SIL1: variants seen among roughly 807,000 people sequenced by gnomAD.
SIL1 encodes the protein SIL1 nucleotide exchange factor, also known as nucleotide exchange factor SIL1.
Under a neutral mutation model 49.1 loss-of-function variants are expected in SIL1, and 40 were observed. The ratio of observed to expected loss-of-function variants is 0.81; its 90% CI spans 0.63 to 1.06. The LOEUF is 1.06. Ranked by LOEUF, SIL1 falls within the 50% of genes least tolerant of loss-of-function variation. SIL1 has a pLI of 0.00. For missense variants in SIL1, 500 were observed against 572.6 expected, an observed-to-expected ratio of 0.87 and a Z score of 1.29; for synonymous variants, 253 against 250.8, an observed-to-expected ratio of 1.01 and a Z score of -0.08.
intron 4 of SIL1, among the ~76,000 whole-genome samples, chr5:139,048,967 C>T (rs891932225): frequency 2.0e-5 from 3 of 152,170 alleles, no homozygotes; most frequent in African/African-American, 7.2e-5. Flanking sequence ...AGAACAAATG[C>T]CTCTATCTCA....
At chr5:138,958,726 C>G (rs1378026821) in intron 7 of SIL1, among the ~76,000 whole-genome samples, 1 of 149,008 alleles carries the variant, frequency 6.7e-6, no homozygotes, top group African/African-American at 2.5e-5. Flanking sequence ...ATTCCAAAAG[C>G]CAAAAAAAAA....
chr5:139,058,837 C>CTT (rs1769517690), intron 3 of SIL1, among the ~76,000 whole-genome samples: 3 of 151,692 alleles, frequency 2.0e-5, no homozygotes, highest in Non-Finnish European at 4.4e-5. Context: ...AGTTTTTTTT[C>CTT]TTTTTCTTTC....
intron 7 of SIL1, among the ~76,000 whole-genome samples, chr5:138,983,821 G>C (rs1404381022): frequency 6.7e-6 from 1 of 149,470 alleles, no homozygotes; most frequent in African/African-American, 2.5e-5. Flanking sequence ...CCTCCTCCCA[G>C]AGATGGACCC....
At chr5:139,106,180 T>C (rs1347846664) in intron 3 of SIL1, among the ~76,000 whole-genome samples, 1 of 152,224 alleles carries the variant, frequency 6.6e-6, no homozygotes, top group African/African-American at 2.4e-5. Flanking sequence ...CTCTCTGCTC[T>C]CTCAATCCTC....
rs529265304 is a variant in SIL1 at position 138,959,591 on chromosome 5, C to T, written c.768-7707G>A. ...CCTTCTGAAAGTTGGGAGCAGCCAA[C>T]CATCCAGAGAAAGCTCCCCTCTCAC... On this transcript the variant is annotated intron_variant, in intron 7 of 9. Transcript: ENST00000394817. Among the ~76,000 whole-genome samples, 7 of 152,356 alleles carry T rather than the reference C, an allele frequency of 4.6e-5. No individual in the cohort carries two copies. In the South Asian group the frequency reaches 1.2e-3, roughly 27 times the overall value.
At chr5:139,077,359 C>T (rs941376589) in intron 3 of SIL1, among the ~76,000 whole-genome samples, 2 of 152,056 alleles carry the variant, frequency 1.3e-5, no homozygotes, top group African/African-American at 4.8e-5. Context: ...AGAATAAAAC[C>T]GTGATATATA....
At chr5:138,990,458 CTTT>C (rs1228070358) in intron 7 of SIL1, among the ~76,000 whole-genome samples, 1 of 152,168 alleles carries the variant, frequency 6.6e-6, no homozygotes, top group Non-Finnish European at 1.5e-5. Context: ...TTCCAGCTGG[CTTT>C]TTATTTATTT....
chr5:139,101,291 C>G lies in SIL1; in HGVS notation c.244+19744G>C, dbSNP rs1049972752. ...CCTCTTTGCAAGCTGCTCCTCCCAC[C>G]TGGAAAACCCTTTATACTCCACCTC... is the stretch of plus-strand genomic sequence containing the variant. On this transcript the variant is annotated intron_variant, in intron 3 of 9. Coordinates refer to ENST00000394817, the MANE Select transcript of SIL1 (RefSeq NM_022464.5). Among the ~76,000 whole-genome samples the G allele has an allele frequency of 3.3e-5, 5 of 152,178 alleles. No individual in the cohort carries two copies. In the East Asian group the frequency reaches 9.6e-4, roughly 29 times the overall value.
chr5:139,028,497 C>A (rs1205949741), intron 5 of SIL1, among the ~76,000 whole-genome samples: 3 of 19,552 alleles, frequency 1.5e-4, no homozygotes, highest in Admixed American at 3.2e-4. Flanking sequence ...GACTCCATCA[C>A]AAAACAAAAC....
At position 139,191,936 on chromosome 5, in the gene SIL1, G is replaced by A. The variant is rs186151630; in HGVS notation, c.-11+6333C>T. On this transcript the variant is annotated intron_variant, in intron 1 of 9. Transcript: ENST00000394817. ...CTAAAAATACAAAAATTAGCCAGGC[G>A]TGGTGGCAGGCGCCTGTAGTCCCAG... Among the ~76,000 whole-genome samples, 486 of 152,036 alleles carry A rather than the reference G, an allele frequency of 3.2e-3. 2 individuals carry two copies. Among genetic ancestry groups the A allele is most frequent in the Non-Finnish European group, 4.1e-3 (276 of 67,982 alleles).
chr5:139,107,335 G>A (rs1288082267), intron 3 of SIL1, among the ~76,000 whole-genome samples: 1 of 151,920 alleles, frequency 6.6e-6, no homozygotes, highest in Non-Finnish European at 1.5e-5. Context: ...AGATCACTTA[G>A]ACATTATTCT....
At chr5:139,005,497 A>C (rs926125399) in intron 7 of SIL1, among the ~76,000 whole-genome samples, 19 of 140,668 alleles carry the variant, frequency 1.4e-4, no homozygotes, top group African/African-American at 5.1e-4. Context: ...ACATGTGCAC[A>C]TTGTGCAGGT....
intron 3 of SIL1, among the ~76,000 whole-genome samples, chr5:139,075,320 C>A (rs570321154): frequency 4.9e-4 from 74 of 152,254 alleles, no homozygotes; most frequent in Admixed American, 3.9e-3. Context: ...AACTCCCATC[C>A]CCTAGAACTT....
At chr5:139,190,603 G>A (rs533513296) in intron 1 of SIL1, among the ~76,000 whole-genome samples, 20 of 152,282 alleles carry the variant, frequency 1.3e-4, no homozygotes, top group Non-Finnish European at 2.8e-4. Context: ...TATTATGTGG[G>A]TGGCCTAAAA....
intron 1 of SIL1, among the ~76,000 whole-genome samples, chr5:139,171,865 G>A (rs1050422960): frequency 1.3e-5 from 2 of 151,798 alleles, no homozygotes; most frequent in African/African-American, 4.8e-5. Flanking sequence ...GAAAAATCAA[G>A]AAAACAATGT....
intron 1 of SIL1, among the ~76,000 whole-genome samples, chr5:139,179,977 C>T (rs1392262677): frequency 6.6e-6 from 1 of 151,210 alleles, no homozygotes; most frequent in African/African-American, 2.4e-5. Context: ...GATCTCTTGA[C>T]CTCAGGAAGT....
intron 1 of SIL1, among the ~76,000 whole-genome samples, chr5:139,139,712 C>T (rs13189485): frequency 0.26 from 39,396 of 152,194 alleles, 6,176 homozygotes; most frequent in Middle Eastern, 0.37. Context: ...AAAGGACAGG[C>T]GCAGTGGCTC....
chr5:139,167,440 A>G (rs1264391960), intron 1 of SIL1, among the ~76,000 whole-genome samples: 2 of 152,214 alleles, frequency 1.3e-5, no homozygotes, highest in African/African-American at 4.8e-5. Flanking sequence ...GACCCTGTGT[A>G]GACCTAGGCT....
At chr5:139,139,966 T>TA (rs1486863866) in intron 1 of SIL1, among the ~76,000 whole-genome samples, 2 of 151,128 alleles carry the variant, frequency 1.3e-5, no homozygotes, top group South Asian at 2.1e-4. Context: ...TCATCTCTAC[T>TA]AAAAAATACA....
Sources: allele counts gnomAD v4.1 joint callset (sites outside exome capture counted in the v4.1 genomes callset), GRCh38; gene constraint gnomAD v4.1.1; transcripts MANE v1.5; gene names NCBI Gene and HGNC (gene_info 2026-07-23, HGNC 2026-07-21).